AFG2A: variants seen among roughly 807,000 people sequenced by gnomAD.
AFG2A encodes the protein ATPase family gene 2 protein homolog A.
At chr4:123,180,520 G>T in the AFG2A span, among the ~76,000 whole-genome samples, 643 of 152,128 alleles carry the variant, frequency 4.2e-3, 4 homozygotes, top group Admixed American at 5.8e-3. Flanking sequence ...TCTCTGTTAG[G>T]TAAGCTAAAT....
the AFG2A span, among the ~76,000 whole-genome samples, chr4:123,306,684 T>A: frequency 6.6e-6 from 1 of 152,130 alleles, no homozygotes; most frequent in African/African-American, 2.4e-5. Flanking sequence ...GCCTCCCAAG[T>A]AGCTGGGATT....
At chr4:123,042,973 C>A in the AFG2A span, among the ~76,000 whole-genome samples, 3 of 152,056 alleles carry the variant, frequency 2.0e-5, no homozygotes, top group Non-Finnish European at 4.4e-5. Flanking sequence ...CCGTTTCTAA[C>A]CCTCTTCATT....
chr4:123,218,985 T>G, the AFG2A span, among the ~76,000 whole-genome samples: 1 of 152,332 alleles, frequency 6.6e-6, no homozygotes, highest in African/African-American at 2.4e-5. Flanking sequence ...ATTTATTATC[T>G]AGATCTATAT....
chr4:123,070,491 A>G, the AFG2A span, among the ~76,000 whole-genome samples: 1 of 152,044 alleles, frequency 6.6e-6, no homozygotes, highest in African/African-American at 2.4e-5. Context: ...GTCATATTTG[A>G]TATCTGGTGA....
the AFG2A span, among the ~76,000 whole-genome samples, chr4:122,931,886 G>T: frequency 6.6e-6 from 1 of 152,304 alleles, no homozygotes; most frequent in South Asian, 2.1e-4. Context: ...TGATTTTGGG[G>T]TACACATAAG....
chr4:122,994,046 C>A, the AFG2A span, among the ~76,000 whole-genome samples: 18 of 152,044 alleles, frequency 1.2e-4, no homozygotes, highest in Admixed American at 1.1e-3. Flanking sequence ...CATGAATAAA[C>A]CCCATATTAA....
chr4:122,979,099 G>T, the AFG2A span: 11 of 1,062,912 alleles, frequency 1.0e-5, no homozygotes, highest in Middle Eastern at 3.1e-4. Flanking sequence ...GGAGTATGCA[G>T]CCCTGGCCAC....
the AFG2A span, among the ~76,000 whole-genome samples, chr4:122,944,558 C>T: frequency 6.6e-6 from 1 of 152,254 alleles, no homozygotes; most frequent in Non-Finnish European, 1.5e-5. Context: ...TCAAAGTTTT[C>T]AACTTCTTTG....
At chr4:123,119,179 A>G in the AFG2A span, among the ~76,000 whole-genome samples, 339 of 152,252 alleles carry the variant, frequency 2.2e-3, 1 homozygote, top group Non-Finnish European at 3.9e-3. Flanking sequence ...TTCAATGTCA[A>G]GTAATTGTTA....
the AFG2A span, among the ~76,000 whole-genome samples, chr4:123,156,151 G>A: frequency 3.3e-5 from 5 of 152,054 alleles, no homozygotes; most frequent in Non-Finnish European, 7.4e-5. Flanking sequence ...TAGACCTTAA[G>A]TTAGGACTCT....
chr4:122,937,317 C>T, the AFG2A span, among the ~76,000 whole-genome samples: 4 of 152,160 alleles, frequency 2.6e-5, no homozygotes, highest in Non-Finnish European at 5.9e-5. Flanking sequence ...TCCCAAGTAG[C>T]TGGAACTATA....
chr4:123,187,517 CTTTAA>C, the AFG2A span, among the ~76,000 whole-genome samples: 2 of 152,022 alleles, frequency 1.3e-5, no homozygotes, highest in African/African-American at 4.8e-5. Context: ...ACAATATAGT[CTTTAA>C]TTTAGTTATT....
chr4:122,940,282 C>T, the AFG2A span, among the ~76,000 whole-genome samples: 9 of 152,232 alleles, frequency 5.9e-5, no homozygotes, highest in African/African-American at 2.2e-4. Flanking sequence ...TCCACATCCT[C>T]TCTAGCACCT....
At chr4:123,127,848 T>C in the AFG2A span, among the ~76,000 whole-genome samples, 6 of 152,166 alleles carry the variant, frequency 3.9e-5, no homozygotes, top group Non-Finnish European at 8.8e-5. Flanking sequence ...TTTTCTTCCT[T>C]AACCTTTTCT....
At chr4:123,044,081 C>T in the AFG2A span, among the ~76,000 whole-genome samples, 6 of 151,468 alleles carry the variant, frequency 4.0e-5, no homozygotes, top group Non-Finnish European at 7.4e-5. Context: ...TTTCCTGTTA[C>T]AATTCTTTGA....
the AFG2A span, among the ~76,000 whole-genome samples, chr4:123,188,340 A>G: frequency 1.3e-5 from 2 of 152,174 alleles, no homozygotes; most frequent in Non-Finnish European, 2.9e-5. Context: ...TCTAAATGTC[A>G]TAAAACCTTA....
At chr4:123,159,881 TA>T in the AFG2A span, among the ~76,000 whole-genome samples, 1 of 152,196 alleles carries the variant, frequency 6.6e-6, no homozygotes, top group Non-Finnish European at 1.5e-5. Flanking sequence ...ATGAAGTGAT[TA>T]AATGCCAGCC....
chr4:122,967,794 C>T, the AFG2A span, among the ~76,000 whole-genome samples: 1 of 152,036 alleles, frequency 6.6e-6, no homozygotes, highest in Admixed American at 6.6e-5. Context: ...TGAGTCACTG[C>T]ATTCAGCCCC....
the AFG2A span, among the ~76,000 whole-genome samples, chr4:123,268,852 G>A: frequency 6.6e-6 from 1 of 152,136 alleles, no homozygotes; most frequent in Non-Finnish European, 1.5e-5. Flanking sequence ...AATTCCCAGA[G>A]CAATAAAGAG....
Sources: allele counts gnomAD v4.1 joint callset (sites outside exome capture counted in the v4.1 genomes callset), GRCh38; gene constraint gnomAD v4.1.1; transcripts MANE v1.5; gene names NCBI Gene and HGNC (gene_info 2026-07-23, HGNC 2026-07-21).